Variants in PCDHA4 observed in about 807,000 individuals in gnomAD.
PCDHA4 encodes the protein protocadherin alpha 4, also known as protocadherin alpha-4.
Under a neutral mutation model 61.4 loss-of-function variants are expected in PCDHA4, and 49 were observed. The ratio of observed to expected loss-of-function variants is 0.80; its 90% CI spans 0.63 to 1.01. PCDHA4 has a LOEUF of 1.01. Ranked by LOEUF, PCDHA4 falls within the 50% of genes least tolerant of loss-of-function variation. PCDHA4 has a pLI of 0.00. For synonymous variants in PCDHA4, 590 were observed against 550.3 expected, an observed-to-expected ratio of 1.07 and a Z score of -1.01; for missense variants, 1,254 against 1,235.8, an observed-to-expected ratio of 1.01 and a Z score of -0.22.
chr5:140,829,347 C>A, intron 1 of PCDHA4: 1 of 1,614,232 alleles, frequency 6.2e-7, no homozygotes, highest in South Asian at 1.1e-5. Context: ...GAGAGCGTGT[C>A]GGCCTATGAG....
intron 1 of PCDHA4, chr5:140,875,466 T>A (rs782683106): frequency 2.4e-5 from 39 of 1,599,908 alleles, no homozygotes; most frequent in Admixed American, 1.2e-4. Flanking sequence ...GGCCCTCATT[T>A]TCTGCAATGG....
intron 1 of PCDHA4, among the ~76,000 whole-genome samples, chr5:140,846,226 T>G (rs2150386125): frequency 1.3e-5 from 2 of 149,694 alleles, no homozygotes; most frequent in African/African-American, 4.9e-5. Context: ...ATAGTATTTT[T>G]CTTAAAAAGA....
chr5:140,870,852 G>C (rs782301779), intron 1 of PCDHA4: 3 of 1,613,862 alleles, frequency 1.9e-6, no homozygotes, highest in Non-Finnish European at 2.5e-6. Flanking sequence ...TACCGCGGTC[G>C]GTGGGTGCGG....
chr5:140,830,006 G>C, intron 1 of PCDHA4: 1 of 1,613,960 alleles, frequency 6.2e-7, no homozygotes, highest in Non-Finnish European at 8.5e-7. Context: ...TGTCCTGGAC[G>C]AAGCGGACTC....
At chr5:140,893,219 G>C (rs1273209081) in intron 1 of PCDHA4, among the ~76,000 whole-genome samples, 1 of 152,194 alleles carries the variant, frequency 6.6e-6, no homozygotes, top group Non-Finnish European at 1.5e-5. Flanking sequence ...GGAGGTGCAG[G>C]TATCACTTTG....
chr5:140,925,124 A>AGGAAGGAAGGAAGGAAGGAAGG, intron 1 of PCDHA4, among the ~76,000 whole-genome samples: 1 of 151,856 alleles, frequency 6.6e-6, no homozygotes, highest in South Asian at 2.1e-4. Flanking sequence ...GAAGGAAGGA[A>AGGAAGGAAGGAAGGAAGGAAGG]AAAAAATTTC....
chr5:140,810,450 T>C (rs924328427), intron 1 of PCDHA4: 1 of 152,254 alleles, frequency 6.6e-6, no homozygotes, highest in African/African-American at 2.4e-5. Context: ...ACATTCCTAG[T>C]AGTGCATAAG....
intron 1 of PCDHA4, among the ~76,000 whole-genome samples, chr5:140,960,408 A>C (rs1006586468): frequency 6.6e-6 from 1 of 152,206 alleles, no homozygotes; most frequent in Admixed American, 6.5e-5. Flanking sequence ...GGGGGTGCCC[A>C]AAAAGTCAAC....
At chr5:140,936,425 T>C (rs1471918068) in intron 1 of PCDHA4, among the ~76,000 whole-genome samples, 2 of 152,244 alleles carry the variant, frequency 1.3e-5, no homozygotes, top group Non-Finnish European at 2.9e-5. Flanking sequence ...TAATTTTAAT[T>C]AATTTAAGCT....
chr5:140,928,354 A>C (rs374655565), intron 1 of PCDHA4: 10 of 1,614,032 alleles, frequency 6.2e-6, no homozygotes, highest in African/African-American at 1.3e-5. Flanking sequence ...GTTGGATGTT[A>C]TCTCTGAAGG....
chr5:140,886,463 GT>G (rs1387154249), intron 1 of PCDHA4, among the ~76,000 whole-genome samples: 5 of 152,042 alleles, frequency 3.3e-5, no homozygotes, highest in East Asian at 1.9e-4. Flanking sequence ...ATATATAAAT[GT>G]TTTTAAAATG....
intron 1 of PCDHA4, among the ~76,000 whole-genome samples, chr5:140,826,710 A>T (rs1769024530): frequency 6.6e-6 from 1 of 152,218 alleles, no homozygotes. Flanking sequence ...GGTGGTATTG[A>T]GAAAGAGGAA....
chr5:140,828,847 C>A (rs2150159691), intron 1 of PCDHA4: 10 of 1,614,168 alleles, frequency 6.2e-6, no homozygotes, highest in Non-Finnish European at 8.5e-6. Flanking sequence ...TAAGAATATT[C>A]GAAAATGCAG....
intron 1 of PCDHA4, chr5:140,842,737 C>T: frequency 6.3e-7 from 1 of 1,595,052 alleles, no homozygotes; most frequent in Non-Finnish European, 8.6e-7. Context: ...CGCCGGGCTG[C>T]CACATCTTCA....
At chr5:140,875,842 A>G (rs782682417) in intron 1 of PCDHA4, 1 of 1,614,146 alleles carries the variant, frequency 6.2e-7, no homozygotes, top group Non-Finnish European at 8.5e-7. Context: ...CGTGGAGGTG[A>G]AGGACATTAA....
chr5:140,972,540 T>G (rs1375467339), intron 1 of PCDHA4, among the ~76,000 whole-genome samples: 2 of 152,148 alleles, frequency 1.3e-5, no homozygotes, highest in Non-Finnish European at 2.9e-5. Flanking sequence ...AAATCACTTG[T>G]GCAGTGAGGA....
intron 2 of PCDHA4, among the ~76,000 whole-genome samples, chr5:140,980,627 T>C (rs1482574235): frequency 6.6e-6 from 1 of 151,860 alleles, no homozygotes; most frequent in African/African-American, 2.4e-5. Context: ...AGACTCTGTC[T>C]CAGAAGAATA....
intron 1 of PCDHA4, among the ~76,000 whole-genome samples, chr5:140,945,952 G>A (rs2093866662): frequency 6.6e-6 from 1 of 151,910 alleles, no homozygotes; most frequent in African/African-American, 2.4e-5. Context: ...ATATGACCCT[G>A]AAAGCACAGG....
At chr5:140,822,702 T>C (rs1767402804) in intron 1 of PCDHA4, 1 of 1,610,758 alleles carries the variant, frequency 6.2e-7, no homozygotes, top group Non-Finnish European at 8.5e-7. Flanking sequence ...AACTGGATTA[T>C]GAAGACTATA....
Sources: allele counts gnomAD v4.1 joint callset (sites outside exome capture counted in the v4.1 genomes callset), GRCh38; gene constraint gnomAD v4.1.1; transcripts MANE v1.5; gene names NCBI Gene and HGNC (gene_info 2026-07-23, HGNC 2026-07-21).